Variants in NRXN1 observed in about 807,000 individuals in gnomAD.
NRXN1 encodes neurexin-1.
Under a neutral mutation model 150.9 loss-of-function variants are expected in NRXN1, and 39 were observed. The observed-to-expected ratio is 0.26, with a 90% CI of 0.20 to 0.34. The LOEUF (loss-of-function observed/expected upper bound fraction) is 0.34, where lower values mean the gene tolerates loss of function less well. Ranked by LOEUF, NRXN1 falls within the 10% of genes least tolerant of loss-of-function variation. The probability of loss-of-function intolerance (pLI) is 1.00; values close to 1 mark genes in which losing one functional copy is unlikely to be tolerated. For missense variants in NRXN1, 1,815 were observed against 1,949.9 expected (o/e 0.93, Z 1.30); for synonymous variants, 924 against 757.0 (o/e 1.22, Z -3.62).
rs186193484 is a variant in NRXN1 at position 50,555,125 on chromosome 2, T to G, written c.1321-2100A>C. ...CTACTTAAACCTATATTATTTTTCC[T>G]TTTTCCTATTGATTTATATTCCAGC... On this transcript the variant is annotated intron_variant, in intron 8 of 22. Coordinates refer to ENST00000401669, the MANE Select transcript of NRXN1 (RefSeq NM_001330078.2). Among the ~76,000 whole-genome samples, 10 of 152,274 alleles carry G rather than the reference T, an allele frequency of 6.6e-5. No individual in the cohort carries two copies. In the East Asian group the frequency reaches 1.7e-3, roughly 26 times the overall value.
chr2:50,859,694 G>A (rs958930655), intron 5 of NRXN1, among the ~76,000 whole-genome samples: 1 of 151,630 alleles, frequency 6.6e-6, no homozygotes, highest in Non-Finnish European at 1.5e-5. Flanking sequence ...ACTGCAAGGT[G>A]CAACTACAGA....
chr2:50,560,106 A>G (rs756747340), intron 8 of NRXN1, among the ~76,000 whole-genome samples: 14 of 152,192 alleles, frequency 9.2e-5, no homozygotes, highest in Non-Finnish European at 1.0e-4. Flanking sequence ...CTTTGCACCC[A>G]TTATTGTTTT....
chr2:50,972,414 A>G (rs13008752), intron 2 of NRXN1, among the ~76,000 whole-genome samples: 33,611 of 152,072 alleles, frequency 0.22, 4,082 homozygotes, highest in Non-Finnish European at 0.28. Context: ...CCACATAGAG[A>G]CACAGTGACT....
chr2:50,364,908 C>G lies in NRXN1; in HGVS notation c.3364+100534G>C, dbSNP rs186812382. 9.2e-5 allele frequency among the ~76,000 whole-genome samples: 14 copies of G among 152,036 alleles called. 1 individual carries two copies. In the East Asian group the frequency reaches 1.5e-3, roughly 17 times the overall value. ...TTTACATAAACAGTCTCTAGGGAAA[C>G]TGCAAGAGACCCCCAAACACATACC... On this transcript the variant is annotated intron_variant, in intron 17 of 22. Coordinates refer to ENST00000401669, the MANE Select transcript of NRXN1 (RefSeq NM_001330078.2).
In NRXN1 at chr2:50,613,848, G is replaced by C. The variant is rs553512710; in HGVS notation, c.1320+6174C>G. ...AGCTACTCGGGAGGCTGAGGCAGGA[G>C]AATGGCGTGAACCCAGGTGGCGGAG... On this transcript the variant is annotated intron_variant, in intron 8 of 22. Transcript: ENST00000401669. Among the ~76,000 whole-genome samples the C allele has an allele frequency of 2.6e-5, 4 of 152,288 alleles. No individual in the cohort carries two copies. The South Asian group carries it at 8.3e-4, about 32-fold the overall frequency.
At position 50,490,367 on chromosome 2, in the gene NRXN1, C is replaced by T. The variant is rs1269959633; in HGVS notation, c.3070+5538G>A. Among the ~76,000 whole-genome samples, 6 of 152,144 alleles carry T rather than the reference C, an allele frequency of 3.9e-5. No homozygotes were observed. The East Asian group carries it at 1.2e-3, about 29-fold the overall frequency. On this transcript the variant is annotated intron_variant, in intron 15 of 22. Coordinates refer to ENST00000401669, the MANE Select transcript of NRXN1 (RefSeq NM_001330078.2). ...CTGCTCTTTTGTCAGGGGTTACAGACGGCCTTCCAACCCATAGTCTCCTTC... is the reference window on the plus strand; with the variant it reads ...CTGCTCTTTTGTCAGGGGTTACAGATGGCCTTCCAACCCATAGTCTCCTTC...
At chr2:50,138,562 A>G (rs1243247600) in intron 18 of NRXN1, among the ~76,000 whole-genome samples, 1 of 152,238 alleles carries the variant, frequency 6.6e-6, no homozygotes, top group East Asian at 1.9e-4. Context: ...TAGAATTCAA[A>G]TGTAAATTAT....
intron 8 of NRXN1, among the ~76,000 whole-genome samples, chr2:50,592,818 A>G (rs1674509294): frequency 6.6e-6 from 1 of 152,208 alleles, no homozygotes; most frequent in East Asian, 1.9e-4. Flanking sequence ...GAAAGCCTAG[A>G]GAAAAAAATT....
At chr2:50,076,715 G>C (rs2152677969) in intron 19 of NRXN1, among the ~76,000 whole-genome samples, 2 of 152,218 alleles carry the variant, frequency 1.3e-5, no homozygotes, top group South Asian at 2.1e-4. Context: ...AGCAATTTTA[G>C]TCATTAAGAG....
At chr2:50,294,938 G>T (rs969100125) in intron 17 of NRXN1, among the ~76,000 whole-genome samples, 3 of 152,210 alleles carry the variant, frequency 2.0e-5, no homozygotes, top group African/African-American at 7.2e-5. Context: ...AATAAAGAGG[G>T]AAGAGGAATG....
chr2:51,030,547 C>G (rs1671342640), intron 1 of NRXN1, among the ~76,000 whole-genome samples: 2 of 150,588 alleles, frequency 1.3e-5, no homozygotes, highest in African/African-American at 5.0e-5. Context: ...CACACACACA[C>G]ACACACACAC....
intron 18 of NRXN1, among the ~76,000 whole-genome samples, chr2:50,145,536 C>T (rs949380602): frequency 6.6e-6 from 1 of 151,680 alleles, no homozygotes; most frequent in Non-Finnish European, 1.5e-5. Context: ...CTATCTCCCC[C>T]TCCAGAACAA....
intron 5 of NRXN1, among the ~76,000 whole-genome samples, chr2:50,809,043 G>A (rs779528766): frequency 1.3e-5 from 2 of 152,002 alleles, no homozygotes; most frequent in African/African-American, 2.4e-5. Flanking sequence ...AGTACTTTCC[G>A]TAGAAAATAT....
intron 5 of NRXN1, among the ~76,000 whole-genome samples, chr2:50,690,658 C>T (rs1388100385): frequency 6.6e-6 from 1 of 152,274 alleles, no homozygotes; most frequent in East Asian, 1.9e-4. Flanking sequence ...TTTGTGTAGG[C>T]ATATAGTACA....
chr2:50,096,552 T>C (rs1334798004), intron 18 of NRXN1, among the ~76,000 whole-genome samples: 1 of 152,226 alleles, frequency 6.6e-6, no homozygotes, highest in Non-Finnish European at 1.5e-5. Flanking sequence ...TCACTGGACA[T>C]GTCTTTATCT....
At chr2:50,969,720 T>C (rs1389054278) in intron 2 of NRXN1, among the ~76,000 whole-genome samples, 2 of 152,152 alleles carry the variant, frequency 1.3e-5, no homozygotes, top group Admixed American at 6.6e-5. Context: ...TATGACTATA[T>C]CTAGATCAAA....
intron 8 of NRXN1, 55 bp downstream of exon 8, chr2:50,619,967 A>G (rs754637861): frequency 2.8e-6 from 4 of 1,443,604 alleles, no homozygotes; most frequent in Non-Finnish European, 3.7e-6. Context: ...TTCATGCTGG[A>G]TCTGAAATGA....
intron 21 of NRXN1, among the ~76,000 whole-genome samples, chr2:49,984,717 A>AC (rs1491452194): frequency 5.4e-4 from 71 of 132,144 alleles, no homozygotes; most frequent in African/African-American, 1.8e-3. Flanking sequence ...GAGAACACAC[A>AC]AACACACACA....
At chr2:50,684,582 T>C (rs1447969181) in intron 5 of NRXN1, among the ~76,000 whole-genome samples, 1 of 152,134 alleles carries the variant, frequency 6.6e-6, no homozygotes, top group Non-Finnish European at 1.5e-5. Flanking sequence ...TGGGTGGTGG[T>C]ATCTGTCTTA....
Sources: allele counts gnomAD v4.1 joint callset (sites outside exome capture counted in the v4.1 genomes callset), GRCh38; gene constraint gnomAD v4.1.1; transcripts MANE v1.5; gene names NCBI Gene and HGNC (gene_info 2026-07-23, HGNC 2026-07-21).